Variants in CTNNA3 observed in about 807,000 individuals in gnomAD.
The protein encoded by CTNNA3 is catenin alpha-3.
CTNNA3 carries 76 observed loss-of-function variants against 95.7 expected under a neutral mutation model. The ratio of observed to expected loss-of-function variants is 0.79; its 90% CI spans 0.66 to 0.96. CTNNA3 has a LOEUF of 0.96. Ranked by LOEUF, CTNNA3 falls within the 40% of genes least tolerant of loss-of-function variation. The pLI, the probability that CTNNA3 is intolerant of heterozygous loss-of-function variation, is 0.00. For synonymous variants in CTNNA3, 431 were observed against 374.4 expected, an observed-to-expected ratio of 1.15 and a Z score of -1.74; for missense variants, 1,191 against 1,089.8, an observed-to-expected ratio of 1.09 and a Z score of -1.31.
In CTNNA3 at chr10:66,742,121, G is replaced by T. The variant is rs554792178; in HGVS notation, c.1281+24143C>A. 3.3e-5 allele frequency among the ~76,000 whole-genome samples: 5 copies of T among 152,282 alleles called. No homozygotes were observed. The East Asian group carries it at 7.7e-4, about 24-fold the overall frequency. On this transcript the variant is annotated intron_variant, in intron 9 of 17. Transcript: ENST00000433211. ...TTTCTCCTCTTTCAAAAGCAAATGG[G>T]AGAAATATCGCTGAATTCTTTTTCT...
chr10:66,022,791 C>T (rs73308137), intron 15 of CTNNA3, among the ~76,000 whole-genome samples: 2 of 152,102 alleles, frequency 1.3e-5, no homozygotes, highest in African/African-American at 4.8e-5. Flanking sequence ...CTCCTATATC[C>T]CCTTGTGGTC....
intron 5 of CTNNA3, among the ~76,000 whole-genome samples, chr10:67,364,665 A>G (rs1843138570): frequency 6.6e-6 from 1 of 152,284 alleles, no homozygotes; most frequent in East Asian, 1.9e-4. Context: ...TCCAACTTAA[A>G]AGTGATGTGA....
Position 66,778,004 on chromosome 10 carries a change from T to A in CTNNA3, c.1048-2480A>T, listed in dbSNP as rs73307096. On this transcript the variant is annotated intron_variant, in intron 7 of 17. Transcript: ENST00000433211. ...GCACAAAGAGATTCAATAGGAACTA[T>A]AAAAATTATTCCCTAATTTCTACCC... 8.4e-3 allele frequency among the ~76,000 whole-genome samples: 1,280 copies of A among 152,280 alleles called. 18 individuals carry two copies. Among genetic ancestry groups the A allele is most frequent in the African/African-American group, 0.029 (1,202 of 41,556 alleles).
At chr10:66,387,246 A>G (rs2092900500) in intron 11 of CTNNA3, among the ~76,000 whole-genome samples, 1 of 152,126 alleles carries the variant, frequency 6.6e-6, no homozygotes, top group Admixed American at 6.5e-5. Flanking sequence ...AAACCAATTT[A>G]CTAGAAAAAA....
At chr10:67,594,224 A>T (rs1348405318) in intron 3 of CTNNA3, among the ~76,000 whole-genome samples, 1 of 151,932 alleles carries the variant, frequency 6.6e-6, no homozygotes, top group Non-Finnish European at 1.5e-5. Flanking sequence ...TTCTTTTATC[A>T]TTGTGTCTCT....
At chr10:66,481,565 G>A (rs1044963483) in intron 11 of CTNNA3, among the ~76,000 whole-genome samples, 2 of 126,588 alleles carry the variant, frequency 1.6e-5, no homozygotes, top group Non-Finnish European at 3.1e-5. Flanking sequence ...TCCGCCTCCC[G>A]GGTTCACGCC....
At chr10:66,673,479 C>G (rs1846737235) in intron 9 of CTNNA3, among the ~76,000 whole-genome samples, 1 of 151,940 alleles carries the variant, frequency 6.6e-6, no homozygotes, top group Non-Finnish European at 1.5e-5. Flanking sequence ...AAAGTAATGA[C>G]CACAAATAAA....
chr10:67,532,880 C>T (rs892264109), intron 4 of CTNNA3, among the ~76,000 whole-genome samples: 12 of 152,094 alleles, frequency 7.9e-5, no homozygotes, highest in Non-Finnish European at 1.5e-4. Flanking sequence ...TTTAACTTTC[C>T]CAAAATCACC....
At chr10:66,666,011 T>C (rs2132456697) in intron 9 of CTNNA3, among the ~76,000 whole-genome samples, 1 of 152,244 alleles carries the variant, frequency 6.6e-6, no homozygotes, top group South Asian at 2.1e-4. Flanking sequence ...CACAGAATCT[T>C]AGCTTTCTAG....
chr10:66,999,941 C>T (rs972195093), intron 7 of CTNNA3, among the ~76,000 whole-genome samples: 6 of 152,164 alleles, frequency 3.9e-5, no homozygotes, highest in Non-Finnish European at 5.9e-5. Context: ...AGATCAGTGA[C>T]TAGATTTTCC....
At chr10:67,559,549 G>A (rs900807298) in intron 3 of CTNNA3, among the ~76,000 whole-genome samples, 37 of 152,130 alleles carry the variant, frequency 2.4e-4, no homozygotes, top group Admixed American at 2.2e-3. Context: ...AAAAAACAGA[G>A]CAGAAAAACT....
chr10:67,186,647 T>C (rs546730495), intron 6 of CTNNA3, among the ~76,000 whole-genome samples: 1 of 152,312 alleles, frequency 6.6e-6, no homozygotes, highest in Non-Finnish European at 1.5e-5. Flanking sequence ...AAATAAGTTT[T>C]TACCTCTTCC....
At chr10:66,808,235 G>A (rs1023680539) in intron 7 of CTNNA3, among the ~76,000 whole-genome samples, 2 of 152,096 alleles carry the variant, frequency 1.3e-5, no homozygotes, top group Non-Finnish European at 2.9e-5. Context: ...ATCCAAAGAT[G>A]TATATTACCT....
At chr10:66,690,612 G>C (rs1209869410) in intron 9 of CTNNA3, among the ~76,000 whole-genome samples, 1 of 151,784 alleles carries the variant, frequency 6.6e-6, no homozygotes, top group Non-Finnish European at 1.5e-5. Context: ...TACTGAGAAT[G>C]ATTCCCAATT....
At chr10:67,438,844 C>G (rs113315261) in intron 5 of CTNNA3, among the ~76,000 whole-genome samples, 3,010 of 152,264 alleles carry the variant, frequency 0.02, 103 homozygotes, top group African/African-American at 0.068. Flanking sequence ...CCAGCTCCTG[C>G]CCAAAAAGGG....
At chr10:65,930,899 G>T (rs2077242454) in intron 17 of CTNNA3, among the ~76,000 whole-genome samples, 2 of 152,108 alleles carry the variant, frequency 1.3e-5, no homozygotes, top group Admixed American at 1.3e-4. Flanking sequence ...AGAGCAATGG[G>T]ATGCATAGAT....
intron 3 of CTNNA3, among the ~76,000 whole-genome samples, chr10:67,591,033 A>T (rs1176821672): frequency 6.6e-6 from 1 of 152,162 alleles, no homozygotes; most frequent in Non-Finnish European, 1.5e-5. Context: ...TGTTTTTGAC[A>T]TTTAGATCCT....
chr10:67,088,735 AATT>A (rs1857447823), intron 7 of CTNNA3, among the ~76,000 whole-genome samples: 1 of 152,166 alleles, frequency 6.6e-6, no homozygotes, highest in South Asian at 2.1e-4. Flanking sequence ...CCACTAAAAG[AATT>A]ATTATTATGT....
In CTNNA3 at chr10:66,039,288, A is replaced by C. The variant is rs554554495; in HGVS notation, c.2159+30020T>G. On this transcript the variant is annotated intron_variant, in intron 15 of 17. Transcript: ENST00000433211. ...AAAACATTCCTACTAGGAAGAATCA[A>C]TATTGTTAAAGTAGCCATACTGGCC... Among the ~76,000 whole-genome samples, 4 of 152,358 alleles carry C rather than the reference A, an allele frequency of 2.6e-5. No individual in the cohort carries two copies. The South Asian group carries it at 8.3e-4, about 32-fold the overall frequency.
Sources: allele counts gnomAD v4.1 joint callset (sites outside exome capture counted in the v4.1 genomes callset), GRCh38; gene constraint gnomAD v4.1.1; transcripts MANE v1.5; gene names NCBI Gene and HGNC (gene_info 2026-07-23, HGNC 2026-07-21).